RALGAPB: variants seen among roughly 807,000 people sequenced by gnomAD.
RALGAPB encodes Ral GTPase activating protein non-catalytic subunit beta, also known as ral GTPase-activating protein subunit beta.
RALGAPB carries 25 observed loss-of-function variants against 161.1 expected under a neutral mutation model. The observed-to-expected ratio is 0.16, with a 90% CI of 0.11 to 0.22. RALGAPB has a LOEUF of 0.22. Ranked by LOEUF, RALGAPB falls within the 10% of genes least tolerant of loss-of-function variation. RALGAPB has a pLI of 1.00. For missense variants in RALGAPB, 1,391 were observed against 1,815.2 expected (o/e 0.77, Z 4.25); for synonymous variants, 629 against 626.1 (o/e 1.00, Z -0.07).
At chr20:38,476,632 T>C (rs1220928821) in intron 1 of RALGAPB, among the ~76,000 whole-genome samples, 1 of 152,184 alleles carries the variant, frequency 6.6e-6, no homozygotes, top group African/African-American at 2.4e-5. Flanking sequence ...CCCCTCGACT[T>C]ATGATGGGAT....
intron 10 of RALGAPB, 93 bp downstream of exon 10, chr20:38,521,791 T>C: frequency 7.9e-7 from 1 of 1,263,634 alleles, no homozygotes; most frequent in East Asian, 2.3e-5. Context: ...GATGTTGGTC[T>C]GAAATACCTA....
At chr20:38,524,037 G>A (rs2086378707) in intron 10 of RALGAPB, among the ~76,000 whole-genome samples, 1 of 152,186 alleles carries the variant, frequency 6.6e-6, no homozygotes, top group Admixed American at 6.5e-5. Context: ...TGATGAAGTT[G>A]TTTCTGAAGA....
At chr20:38,499,388 T>A in intron 4 of RALGAPB, 59 bp from the exon 5 acceptor site, 2 of 1,466,088 alleles carry the variant, frequency 1.4e-6, no homozygotes, top group Non-Finnish European at 1.8e-6. Flanking sequence ...AATCAGTGTC[T>A]TAAAGATTCT....
intron 20 of RALGAPB, among the ~76,000 whole-genome samples, chr20:38,550,463 G>A (rs1001396173): frequency 2.0e-5 from 3 of 152,170 alleles, no homozygotes; most frequent in African/African-American, 7.2e-5. Context: ...GGAGGGGGCA[G>A]TACAGAGCAC....
chr20:38,482,379 C>A (rs1328049310), intron 1 of RALGAPB, among the ~76,000 whole-genome samples: 1 of 149,600 alleles, frequency 6.7e-6, no homozygotes, highest in African/African-American at 2.5e-5. Flanking sequence ...ACTGTACTTG[C>A]ATTTCTCTAC....
chr20:38,477,686 G>A (rs1399189593), intron 1 of RALGAPB, among the ~76,000 whole-genome samples: 3 of 152,116 alleles, frequency 2.0e-5, no homozygotes, highest in African/African-American at 7.2e-5. Context: ...AAGAGAAATA[G>A]GCATGTCTTA....
intron 13 of RALGAPB, among the ~76,000 whole-genome samples, chr20:38,526,583 TTCA>T: frequency 6.6e-6 from 1 of 152,354 alleles, no homozygotes; most frequent in South Asian, 2.1e-4. Context: ...TTAGCTTTTC[TTCA>T]TCATCTTCTT....
chr20:38,572,803 A>T (rs2088288957), intron 28 of RALGAPB, among the ~76,000 whole-genome samples: 1 of 152,218 alleles, frequency 6.6e-6, no homozygotes, highest in Non-Finnish European at 1.5e-5. Flanking sequence ...CAACATCGCA[A>T]TAATAAAGTT....
chr20:38,497,688 G>A (rs2085467447), intron 4 of RALGAPB, among the ~76,000 whole-genome samples, 172 bp downstream of exon 4: 2 of 152,152 alleles, frequency 1.3e-5, no homozygotes, highest in African/African-American at 4.8e-5. Flanking sequence ...CTTTAGCCCT[G>A]ATGAAGTTAT....
At chr20:38,500,481 ATGT>A (rs1041640084) in intron 5 of RALGAPB, among the ~76,000 whole-genome samples, 3 of 152,144 alleles carry the variant, frequency 2.0e-5, no homozygotes, top group Non-Finnish European at 4.4e-5. Flanking sequence ...TAACTGATCA[ATGT>A]TGTTTGTGTT....
rs148350265 is a variant in RALGAPB, at chr20:38,484,102, C to G, written c.-30-4301C>G. On this transcript the variant is annotated intron_variant, in intron 1 of 29. Transcript: ENST00000262879. ...TCTGAGGCAGGAGAATTGCTTGAAC[C>G]CAGGAGGCGAGGTCACAGTGAGCCA... is the stretch of plus-strand genomic sequence containing the variant. Among the ~76,000 whole-genome samples, 1,315 of 152,164 alleles carry G rather than the reference C, an allele frequency of 8.6e-3. 8 individuals are homozygous for G. Among genetic ancestry groups the G allele is most frequent in the Middle Eastern group, 0.02 (6 of 294 alleles).
chr20:38,568,163 A>G (rs1300175752), intron 26 of RALGAPB, among the ~76,000 whole-genome samples: 1 of 152,178 alleles, frequency 6.6e-6, no homozygotes, highest in Non-Finnish European at 1.5e-5. Context: ...GAATGCCAGC[A>G]TAGTTATTCC....
intron 19 of RALGAPB, 56 bp downstream of exon 19, chr20:38,546,486 A>G (rs545142502): frequency 2.4e-5 from 38 of 1,598,470 alleles, no homozygotes; most frequent in East Asian, 2.2e-5. Context: ...TACCAGTACC[A>G]TGAAGCTGTT....
At chr20:38,526,421 C>T (rs1016128412) in intron 13 of RALGAPB, among the ~76,000 whole-genome samples, 3 of 152,034 alleles carry the variant, frequency 2.0e-5, no homozygotes, top group African/African-American at 7.2e-5. Context: ...CTTCTTCTTG[C>T]CTCTTCCTCT....
intron 1 of RALGAPB, among the ~76,000 whole-genome samples, chr20:38,479,884 C>A (rs1246078107): frequency 6.6e-6 from 1 of 152,180 alleles, no homozygotes; most frequent in African/African-American, 2.4e-5. Context: ...GTTTGCTCTT[C>A]TACTATCCCT....
chr20:38,523,818 A>C (rs1393557939), intron 10 of RALGAPB, among the ~76,000 whole-genome samples: 1 of 152,200 alleles, frequency 6.6e-6, no homozygotes, highest in East Asian at 1.9e-4. Flanking sequence ...GAGGACCTGT[A>C]AAAGAAAATG....
At chr20:38,541,242 G>T in intron 18 of RALGAPB, 50 bp downstream of exon 18, 1 of 1,551,934 alleles carries the variant, frequency 6.4e-7, no homozygotes, top group South Asian at 1.2e-5. Context: ...GATGGGGTTA[G>T]CAGTGATCCA....
At position 38,489,921 on chromosome 20, in the gene RALGAPB, AGT is replaced by A. The variant is rs574370420; in HGVS notation, c.186+1304_186+1305del. Among the ~76,000 whole-genome samples the A allele has an allele frequency of 2.7e-3, 403 of 152,036 alleles. 1 individual carries two copies. The highest frequency in any genetic ancestry group is 9.3e-3 in the African/African-American group (384 of 41,450). ...TTCTCCTGGGAAGAGATGGTACGTG[AGT>A]AGATAGAGGTGCTCTGATGCAGCCC... On this transcript the variant is annotated intron_variant, in intron 2 of 29. Transcript: ENST00000262879.
chr20:38,488,644 T>G (rs1212759476), intron 2 of RALGAPB, 26 bp downstream of exon 2: 2 of 1,578,632 alleles, frequency 1.3e-6, no homozygotes, highest in Non-Finnish European at 1.7e-6. Context: ...TTTCATTCTC[T>G]TATATGAAAA....
Sources: allele counts gnomAD v4.1 joint callset (sites outside exome capture counted in the v4.1 genomes callset), GRCh38; gene constraint gnomAD v4.1.1; transcripts MANE v1.5; gene names NCBI Gene and HGNC (gene_info 2026-07-23, HGNC 2026-07-21).